Variants in TNFRSF13B observed in about 807,000 individuals in gnomAD.
TNFRSF13B encodes the protein TNF receptor superfamily member 13B, also known as tumor necrosis factor receptor superfamily member 13B.
In TNFRSF13B, 34 loss-of-function variants were observed where a neutral mutation model predicts 24.0. The observed-to-expected ratio is 1.41, with a 90% CI of 1.08 to 1.88. The LOEUF is 1.88. Among genes scored for constraint, TNFRSF13B ranks in the 40% most tolerant of loss-of-function variants. The pLI is 0.00. For synonymous variants in TNFRSF13B, 173 were observed against 150.3 expected (o/e 1.15, Z -1.10); for missense variants, 415 against 380.8 (o/e 1.09, Z -0.75).
rs942856234 is a variant in TNFRSF13B at position 16,955,100 on chromosome 17, C to A, written c.62-2517G>T. Among the ~76,000 whole-genome samples the A allele has an allele frequency of 5.1e-4, 77 of 152,212 alleles. 2 individuals carry two copies. The highest frequency in any genetic ancestry group is 1.6e-4 in the Non-Finnish European group (11 of 68,042). ...ATTCTCTCCAGAAAATGTCCAAGTC[C>A]CTGCCTGATCCCACTGGGGCAAAGC... On this transcript the variant is annotated intron_variant, in intron 1 of 4. Coordinates refer to ENST00000261652, the MANE Select transcript of TNFRSF13B (RefSeq NM_012452.3).
At chr17:16,941,853 A>G (rs4792800) in intron 3 of TNFRSF13B, among the ~76,000 whole-genome samples, 19,431 of 152,132 alleles carry the variant, frequency 0.13, 1,454 homozygotes, top group East Asian at 0.41. Context: ...TATTAATGAA[A>G]TCATACAACA....
chr17:16,950,584 C>G (rs977380401), intron 2 of TNFRSF13B, among the ~76,000 whole-genome samples: 7 of 152,184 alleles, frequency 4.6e-5, no homozygotes, highest in South Asian at 2.1e-4. Flanking sequence ...GCCCCTGAAC[C>G]GCACAGAAAC....
intron 3 of TNFRSF13B, chr17:16,941,488 A>G: frequency 3.0e-6 from 3 of 987,650 alleles, no homozygotes; most frequent in Non-Finnish European, 3.6e-6. Flanking sequence ...CTGGGTGGAA[A>G]GACAGATGAG....
At chr17:16,941,502 G>A (rs2087509803) in intron 3 of TNFRSF13B, 1 of 987,642 alleles carries the variant, frequency 1.0e-6, no homozygotes, top group Non-Finnish European at 1.2e-6. Context: ...AGATGAGCCA[G>A]ATTTAAGATG....
intron 1 of TNFRSF13B, among the ~76,000 whole-genome samples, chr17:16,971,774 T>G (rs901620434): frequency 6.6e-6 from 1 of 152,206 alleles, no homozygotes; most frequent in African/African-American, 2.4e-5. Context: ...AGGGAATTCC[T>G]GCCGGTGTGG....
intron 1 of TNFRSF13B, among the ~76,000 whole-genome samples, chr17:16,967,931 A>T (rs1412572898): frequency 4.6e-5 from 7 of 151,526 alleles, no homozygotes; most frequent in Non-Finnish European, 1.0e-4. Flanking sequence ...AGATCAGGAG[A>T]TTGAGACCAT....
intron 1 of TNFRSF13B, among the ~76,000 whole-genome samples, chr17:16,961,418 A>G (rs769700268): frequency 1.3e-5 from 2 of 152,264 alleles, no homozygotes; most frequent in Non-Finnish European, 2.9e-5. Flanking sequence ...ATTAAAATGA[A>G]TGGAATACTT....
chr17:16,942,294 C>T (rs2087516651), intron 3 of TNFRSF13B, among the ~76,000 whole-genome samples: 1 of 152,186 alleles, frequency 6.6e-6, no homozygotes, highest in Non-Finnish European at 1.5e-5. Context: ...ATTCCCAGGC[C>T]GGTGCTCCAA....
intron 3 of TNFRSF13B, chr17:16,940,788 C>T (rs140414881): frequency 7.3e-7 from 1 of 1,373,678 alleles, no homozygotes; most frequent in African/African-American, 1.5e-5. Flanking sequence ...GTAATTGGGA[C>T]AGCGCTGGAG....
In TNFRSF13B at chr17:16,948,707, A is replaced by T. The variant is rs55955502; in HGVS notation, c.445+31T>A. ...CTCCCACGCTTTCTCACCCTGCGTGACACCATGCAGGTTTGCCTTGGGTGG... is the reference window on the plus strand; with the variant it reads ...CTCCCACGCTTTCTCACCCTGCGTGTCACCATGCAGGTTTGCCTTGGGTGG... On this transcript the variant is annotated intron_variant, in intron 3 of 4. Coordinates refer to ENST00000261652, the MANE Select transcript of TNFRSF13B (RefSeq NM_012452.3). 8,296 of 1,612,926 alleles carry T rather than the reference A, an allele frequency of 5.1e-3. 25 individuals are homozygous for T. The highest frequency in any genetic ancestry group is 6.4e-3 in the Non-Finnish European group (7,538 of 1,179,988).
intron 1 of TNFRSF13B, among the ~76,000 whole-genome samples, chr17:16,967,481 G>T (rs189111400): frequency 6.6e-6 from 1 of 151,826 alleles, no homozygotes; most frequent in Admixed American, 6.6e-5. Context: ...CAGGCCGGGC[G>T]CAGTGGCTCA....
intron 3 of TNFRSF13B, among the ~76,000 whole-genome samples, chr17:16,947,505 A>T (rs12325872): frequency 1.3e-5 from 2 of 152,202 alleles, no homozygotes; most frequent in African/African-American, 4.8e-5. Context: ...TTCAAAAAGC[A>T]AACAACAAAT....
At chr17:16,951,566 AT>A (rs2087588782) in intron 2 of TNFRSF13B, among the ~76,000 whole-genome samples, 1 of 152,196 alleles carries the variant, frequency 6.6e-6, no homozygotes, top group South Asian at 2.1e-4. Flanking sequence ...TGCAGGTAAA[AT>A]TATATGAGAT....
intron 2 of TNFRSF13B, among the ~76,000 whole-genome samples, chr17:16,951,787 C>G (rs1056868583): frequency 4.6e-5 from 7 of 152,158 alleles, no homozygotes; most frequent in South Asian, 2.1e-4. Flanking sequence ...ACTCGGGAGG[C>G]TGAGGAGGGA....
intron 2 of TNFRSF13B, among the ~76,000 whole-genome samples, chr17:16,950,094 G>GAATA (rs928149019): frequency 1.5e-4 from 23 of 152,124 alleles, no homozygotes; most frequent in South Asian, 8.3e-4. Context: ...TCGTAAATAT[G>GAATA]AATAAATAAA....
intron 1 of TNFRSF13B, among the ~76,000 whole-genome samples, chr17:16,966,414 C>A (rs2087699889): frequency 6.6e-6 from 1 of 152,134 alleles, no homozygotes; most frequent in South Asian, 2.1e-4. Context: ...TAAAGAGCTA[C>A]CCATGAGAAA....
intron 1 of TNFRSF13B, among the ~76,000 whole-genome samples, chr17:16,971,142 G>A (rs1352081776): frequency 6.6e-6 from 1 of 152,190 alleles, no homozygotes. Flanking sequence ...GAGGTCAGGA[G>A]TTTGAGATCA....
chr17:16,945,876 T>C (rs556864936), intron 3 of TNFRSF13B, among the ~76,000 whole-genome samples: 1 of 152,098 alleles, frequency 6.6e-6, no homozygotes, highest in East Asian at 1.9e-4. Flanking sequence ...GCACTGTGAA[T>C]GGAAAGAAAT....
At chr17:16,971,956 A>G (rs1456099955) in intron 1 of TNFRSF13B, 59 bp downstream of exon 1, 1 of 1,586,628 alleles carries the variant, frequency 6.3e-7, no homozygotes, top group Non-Finnish European at 8.7e-7. Flanking sequence ...CACGGCACTC[A>G]GGCCCAACCC....
Sources: gnomAD v4.1 joint callset for allele counts (sites outside exome capture counted in the v4.1 genomes callset) on GRCh38, gnomAD v4.1.1 for gene constraint, MANE v1.5 for transcripts, NCBI Gene and HGNC (gene_info 2026-07-23, HGNC 2026-07-21) for gene names.